ZNF606: variants seen among roughly 807,000 people sequenced by gnomAD.
ZNF606 encodes the protein zinc finger protein 328.
A neutral mutation model predicts 74.9 loss-of-function variants in ZNF606; 37 were observed. That is an observed-to-expected ratio of 0.49 (90% confidence interval 0.38 to 0.65). The LOEUF (loss-of-function observed/expected upper bound fraction) is 0.65, where lower values mean the gene tolerates loss of function less well. Among genes scored for constraint, ZNF606 ranks in the 30% least tolerant of loss-of-function variants. The pLI is 0.00. For missense variants in ZNF606, 852 were observed against 952.9 expected, an observed-to-expected ratio of 0.89 and a Z score of 1.39; for synonymous variants, 328 against 312.4, an observed-to-expected ratio of 1.05 and a Z score of -0.53.
intron 4 of ZNF606, among the ~76,000 whole-genome samples, chr19:57,990,401 G>A (rs1355764440): frequency 1.3e-5 from 2 of 151,688 alleles, no homozygotes; most frequent in South Asian, 2.1e-4. Context: ...GCCAAGTGTG[G>A]TGGTGCACAC....
At chr19:57,990,720 T>C (rs1448405043) in intron 4 of ZNF606, among the ~76,000 whole-genome samples, 3 of 152,052 alleles carry the variant, frequency 2.0e-5, no homozygotes, top group Non-Finnish European at 4.4e-5. Flanking sequence ...GCTTATGAAC[T>C]GAGTTTGCTG....
intron 1 of ZNF606, among the ~76,000 whole-genome samples, chr19:58,001,713 G>A (rs183341891): frequency 7.2e-5 from 11 of 152,252 alleles, no homozygotes; most frequent in African/African-American, 2.4e-4. Context: ...CCTAGAGCTG[G>A]GGGAAAAATG....
At position 57,978,296 on chromosome 19, in the gene ZNF606, T is replaced by C; in HGVS notation, c.*5A>G. The C allele has an allele frequency of 1.3e-6, 2 of 1,549,814 alleles. No individual in the cohort carries two copies. Among genetic ancestry groups the C allele is most frequent in the Non-Finnish European group, 1.7e-6 (2 of 1,148,730 alleles). ...ATGTACAAGAAACGAAAAACTCGCA[T>C]AAATTCAATTCAGTTTCTCTTCACT... On this transcript the variant is annotated 3_prime_UTR_variant, in exon 7 of 7. Transcript: ENST00000551380. This position sits in a 1 kb window ranked among gnomAD's most constrained non-coding sequence, Gnocchi z 4.4.
chr19:57,986,566 C>A (rs531095324), intron 6 of ZNF606, among the ~76,000 whole-genome samples: 6 of 152,196 alleles, frequency 3.9e-5, no homozygotes, highest in African/African-American at 1.4e-4. Context: ...TATAAAAAGA[C>A]AATATAAGTA....
chr19:57,999,844 C>T lies in ZNF606; in HGVS notation c.141G>A (p.Gly47=). 1 of 1,614,036 alleles carries T rather than the reference C, an allele frequency of 6.2e-7. No homozygotes were observed. Among genetic ancestry groups the T allele is most frequent in the South Asian group, 1.1e-5 (1 of 91,084 alleles). The change falls in exon 4 of 7, where the codon GGG becomes GGA. Residue 47 remains glycine (G), a synonymous_variant. Transcript: ENST00000551380. ...AWHVEGSLEE[G]RRATGLPAAQ... ...CTGCTGGGAGCCCAGTGGCCCTCCTCCCCTCCTCCAGGCTTCCCTCCACGT... is the reference window on the plus strand; with the variant it reads ...CTGCTGGGAGCCCAGTGGCCCTCCTTCCCTCCTCCAGGCTTCCCTCCACGT...
At chr19:58,001,942 G>A in intron 1 of ZNF606, 1 of 342,968 alleles carries the variant, frequency 2.9e-6, no homozygotes, top group Non-Finnish European at 5.7e-6. Context: ...CTAAGCTTGT[G>A]TGTGTGTGGA....
Position 57,977,424 on chromosome 19 carries a change from A to G in ZNF606, c.*877T>C, listed in dbSNP as rs1454034323. ...AAATCTCAACTGGGTTAACTTTTCC[A>G]TGGATCTTTCAGGTCCTTACCCATA... On this transcript the variant is annotated 3_prime_UTR_variant, in exon 7 of 7. Transcript: ENST00000551380. The G allele has an allele frequency of 6.6e-6, 1 of 152,222 alleles. No individual in the cohort carries two copies. The highest frequency in any genetic ancestry group is 2.4e-5 in the African/African-American group (1 of 41,464). The allele number at this position is 152,222 out of a possible 1,614,324, so 9.4% of individuals were successfully genotyped here. A position where few individuals can be genotyped will look rare whatever the true frequency, so the allele number is the denominator to read the frequency against.
At chr19:57,993,248 A>G (rs750733181) in intron 4 of ZNF606, among the ~76,000 whole-genome samples, 3 of 152,236 alleles carry the variant, frequency 2.0e-5, no homozygotes, top group Non-Finnish European at 2.9e-5. Context: ...GTGGTAGTCT[A>G]TTACAATAGC....
At chr19:57,998,553 G>C (rs2073371127) in intron 4 of ZNF606, 1 of 152,172 alleles carries the variant, frequency 6.6e-6, no homozygotes, top group Admixed American at 6.5e-5. Context: ...GGTTGGGAGG[G>C]AGTAGGGGAA....
chr19:57,980,366 CA>C, intron 6 of ZNF606, 87 bp from the exon 7 acceptor site: 2 of 1,345,892 alleles, frequency 1.5e-6, no homozygotes, highest in Non-Finnish European at 2.0e-6. Context: ...TCCATATTAT[CA>C]AAAACACTAG....
chr19:57,985,966 G>A (rs901225075), intron 6 of ZNF606, among the ~76,000 whole-genome samples: 3 of 151,400 alleles, frequency 2.0e-5, no homozygotes, highest in South Asian at 2.1e-4. Context: ...AATAAAAGCC[G>A]AAGAGAGAAT....
At chr19:58,003,048 T>G (rs1295902729), upstream of ZNF606, 2 of 417,922 alleles carry the variant, frequency 4.8e-6, no homozygotes, top group African/African-American at 4.1e-5. Flanking sequence ...AAGGCCTGGG[T>G]AAGTCGCGGC....
rs1294925228 is a variant in ZNF606 at position 58,000,273 on chromosome 19, G to C, written c.89-377C>G. On this transcript the variant is annotated intron_variant, in intron 3 of 6. Transcript: ENST00000551380. ...GTCTCGCTCTGTCGCCCAGGCTGGA[G>C]TGCAGTGGCACGATCTTGGCTCACT... is the stretch of plus-strand genomic sequence containing the variant. 3.2e-5 allele frequency: 14 copies of C among 442,814 alleles called. No homozygotes were observed. The South Asian group carries it at 6.2e-4, about 20-fold the overall frequency. 27.4% of individuals were successfully genotyped at this position (442,814 alleles called of 1,614,324 possible).
At chr19:57,980,308 AG>A in intron 6 of ZNF606, 29 bp from the exon 7 acceptor site, 1 of 1,565,826 alleles carries the variant, frequency 6.4e-7, no homozygotes, top group Non-Finnish European at 8.6e-7. Flanking sequence ...AAGCTATGAG[AG>A]CATAGAGAAA....
intron 4 of ZNF606, among the ~76,000 whole-genome samples, chr19:57,992,614 A>G (rs1446304253): frequency 6.6e-6 from 1 of 152,264 alleles, no homozygotes; most frequent in Non-Finnish European, 1.5e-5. Context: ...TAGAGAAAAC[A>G]ATATGAACTG....
At chr19:57,989,363 A>G (rs921431679) in intron 4 of ZNF606, among the ~76,000 whole-genome samples, 1 of 152,112 alleles carries the variant, frequency 6.6e-6, no homozygotes, top group African/African-American at 2.4e-5. Context: ...CAAGAAAACT[A>G]ACTGGAAAAC....
chr19:57,994,860 A>T (rs1294840578), intron 4 of ZNF606, among the ~76,000 whole-genome samples: 1 of 152,136 alleles, frequency 6.6e-6, no homozygotes, highest in Non-Finnish European at 1.5e-5. Flanking sequence ...GCCCCCTTGT[A>T]GAGACATGCG....
intron 3 of ZNF606, 200 bp from the exon 4 acceptor site, chr19:58,000,096 C>G (rs539835439): frequency 1.2e-4 from 69 of 576,156 alleles, no homozygotes; most frequent in Middle Eastern, 9.3e-4. Context: ...ATTGGCCCCC[C>G]CTGTGCTATT....
rs555715582 is a variant in ZNF606 at position 58,002,382 on chromosome 19, C to T, written c.-52+14G>A. On this transcript the variant is annotated intron_variant, in intron 1 of 6. Transcript: ENST00000551380. ...ACGCGGCCGCGACGCTGCAAAAGCT[C>T]GTCCCGGCCTCACCTGGCTCGCGGC... 278 of 456,764 alleles carry T rather than the reference C, an allele frequency of 6.1e-4. No individual in the cohort carries two copies. Among genetic ancestry groups the T allele is most frequent in the Non-Finnish European group, 1.0e-3 (236 of 226,988 alleles). The allele number at this position is 456,764 out of a possible 1,614,324, so 28.3% of individuals were successfully genotyped here.
Sources: gnomAD v4.1 joint callset for allele counts (sites outside exome capture counted in the v4.1 genomes callset) on GRCh38, gnomAD v4.1.1 for gene constraint, Gnocchi (gnomAD v3.1) non-coding constraint, MANE v1.5 for transcripts, NCBI Gene and HGNC (gene_info 2026-07-23, HGNC 2026-07-21) for gene names.